Variants in MICU1 observed in about 807,000 individuals in gnomAD.
The protein encoded by MICU1 is mitochondrial calcium uptake 1, also known as calcium uptake protein 1, mitochondrial.
MICU1 carries 45 observed loss-of-function variants against 56.8 expected under a neutral mutation model. That is an observed-to-expected ratio of 0.79 (90% confidence interval 0.62 to 1.02). The LOEUF (loss-of-function observed/expected upper bound fraction) is 1.02, where lower values mean the gene tolerates loss of function less well. Ranked by LOEUF, MICU1 falls within the 50% of genes least tolerant of loss-of-function variation. The pLI, the probability that MICU1 is intolerant of heterozygous loss-of-function variation, is 0.00. For synonymous variants in MICU1, 186 were observed against 195.1 expected (o/e 0.95, Z 0.39); for missense variants, 504 against 587.1 (o/e 0.86, Z 1.46).
intron 6 of MICU1, among the ~76,000 whole-genome samples, chr10:72,479,698 C>A (rs932033523): frequency 1.3e-5 from 2 of 152,080 alleles, no homozygotes; most frequent in Non-Finnish European, 2.9e-5. Flanking sequence ...GATAATTTTT[C>A]TATGTTTTGT....
rs1199987987 is a variant in MICU1, at chr10:72,512,100, G to GTTTTTTTTTTTTTTTTTTTTTTTTTT, written c.538-3832_538-3831insAAAAAAAAAAAAAAAAAAAAAAAAAA. 1.6e-4 allele frequency among the ~76,000 whole-genome samples: 13 copies of GTTTTTTTTTTTTTTTTTTTTTTTTTT among 82,336 alleles called. 4 individuals carry two copies. The highest frequency in any genetic ancestry group is 5.8e-4 in the African/African-American group (10 of 17,242). The allele number at this position is 82,336 out of a possible 152,430, so 54.0% of individuals were successfully genotyped here. On this transcript the variant is annotated intron_variant, in intron 5 of 11. Transcript: ENST00000361114. ...ATCAATCTGGCATCCATACACAGTT[G>GTTTTTTTTTTTTTTTTTTTTTTTTTT]TTTTTTGTTTTTTTTTTTTTTTTTT... is the stretch of plus-strand genomic sequence containing the variant.
At chr10:72,449,527 T>C (rs1865230441) in intron 8 of MICU1, among the ~76,000 whole-genome samples, 1 of 152,224 alleles carries the variant, frequency 6.6e-6, no homozygotes, top group South Asian at 2.1e-4. Context: ...CATGAGCCAC[T>C]GCACCTGGTA....
chr10:72,609,472 C>A (rs1218419679), intron 1 of MICU1, among the ~76,000 whole-genome samples: 1 of 152,152 alleles, frequency 6.6e-6, no homozygotes, highest in East Asian at 1.9e-4. Flanking sequence ...CGGAGACTCA[C>A]GCCTGCAATC....
intron 5 of MICU1, among the ~76,000 whole-genome samples, chr10:72,517,587 A>AT (rs1423397868): frequency 1.4e-4 from 21 of 152,152 alleles, no homozygotes; most frequent in Non-Finnish European, 2.6e-4. Flanking sequence ...ATGCAAACGC[A>AT]TAAGAATGAT....
chr10:72,490,506 G>C (rs922574320), intron 6 of MICU1, among the ~76,000 whole-genome samples: 1 of 152,126 alleles, frequency 6.6e-6, no homozygotes, highest in African/African-American at 2.4e-5. Context: ...GAGCTTTGGA[G>C]GGTCCCTTTT....
At chr10:72,414,104 C>G (rs1304082856) in intron 9 of MICU1, among the ~76,000 whole-genome samples, 1 of 152,190 alleles carries the variant, frequency 6.6e-6, no homozygotes, top group Non-Finnish European at 1.5e-5. Flanking sequence ...CCATACAACC[C>G]AGGTATTTCA....
chr10:72,452,494 G>A (rs1221795534), intron 8 of MICU1, among the ~76,000 whole-genome samples: 1 of 152,146 alleles, frequency 6.6e-6, no homozygotes, highest in African/African-American at 2.4e-5. Flanking sequence ...AGAGAGGCAG[G>A]TATTTCAAAT....
In MICU1 at chr10:72,452,720, G is replaced by A. The variant is rs75658773; in HGVS notation, c.933+22380C>T. 1.8e-4 allele frequency among the ~76,000 whole-genome samples: 27 copies of A among 152,264 alleles called. No individual in the cohort carries two copies. The East Asian group carries it at 5.2e-3, about 29-fold the overall frequency. ...TGTTTGCACACTGAAATCGCCTAAT[G>A]ATGCATTTCTCAGAATGTATCCCCA... On this transcript the variant is annotated intron_variant, in intron 8 of 11. Coordinates refer to ENST00000361114, the MANE Select transcript of MICU1 (RefSeq NM_001195518.2).
intron 8 of MICU1, among the ~76,000 whole-genome samples, chr10:72,433,221 T>C (rs1400547170): frequency 3.3e-5 from 5 of 152,134 alleles, no homozygotes; most frequent in Non-Finnish European, 7.3e-5. Flanking sequence ...ATTACAGGCG[T>C]GAGCCACTGG....
chr10:72,480,317 T>C (rs963172871), intron 6 of MICU1, among the ~76,000 whole-genome samples: 3 of 152,176 alleles, frequency 2.0e-5, no homozygotes, highest in Non-Finnish European at 4.4e-5. Context: ...AGATGTAAAA[T>C]GTTTGAGAAA....
chr10:72,428,000 G>A (rs1864405361), intron 8 of MICU1, among the ~76,000 whole-genome samples: 1 of 152,054 alleles, frequency 6.6e-6, no homozygotes. Flanking sequence ...CGGTGAGCAT[G>A]ACATACACAT....
At chr10:72,539,859 T>C (rs1839726269) in intron 4 of MICU1, among the ~76,000 whole-genome samples, 1 of 152,196 alleles carries the variant, frequency 6.6e-6, no homozygotes, top group Non-Finnish European at 1.5e-5. Context: ...TCATATATTC[T>C]TGGAGAGAAG....
At chr10:72,624,429 C>T (rs1357547841) in intron 1 of MICU1, among the ~76,000 whole-genome samples, 3 of 152,144 alleles carry the variant, frequency 2.0e-5, no homozygotes, top group African/African-American at 7.2e-5. Flanking sequence ...GGGATCCACC[C>T]GGCCTCCCAA....
At chr10:72,597,703 C>G (rs1434877319) in intron 1 of MICU1, among the ~76,000 whole-genome samples, 1 of 152,036 alleles carries the variant, frequency 6.6e-6, no homozygotes, top group Non-Finnish European at 1.5e-5. Context: ...ATACATATAG[C>G]CTGAAGGTTA....
At chr10:72,485,917 C>CA (rs1866459569) in intron 6 of MICU1, among the ~76,000 whole-genome samples, 1 of 150,664 alleles carries the variant, frequency 6.6e-6, no homozygotes, top group African/African-American at 2.5e-5. Context: ...ACACACACAC[C>CA]CCCTATGTGT....
intron 5 of MICU1, among the ~76,000 whole-genome samples, chr10:72,530,372 A>AATAATAATAATAATGATG (rs538954555): frequency 9.0e-5 from 13 of 143,976 alleles, no homozygotes; most frequent in African/African-American, 1.3e-4. Flanking sequence ...TAATAATAAT[A>AATAATAATAATAATGATG]ATGCCAGAAT....
At chr10:72,585,999 TTC>T (rs1389290930) in intron 1 of MICU1, among the ~76,000 whole-genome samples, 5 of 136,934 alleles carry the variant, frequency 3.7e-5, no homozygotes, top group Non-Finnish European at 7.8e-5. Context: ...TTTTTATTTT[TTC>T]TTTTTTTTTT....
chr10:72,498,733 T>C (rs1331205109), intron 6 of MICU1, among the ~76,000 whole-genome samples: 1 of 152,158 alleles, frequency 6.6e-6, no homozygotes, highest in Non-Finnish European at 1.5e-5. Flanking sequence ...GATCCTCAGA[T>C]ACCACAAGGA....
chr10:72,623,884 A>G (rs1037495197), intron 1 of MICU1, among the ~76,000 whole-genome samples: 1 of 115,804 alleles, frequency 8.6e-6, no homozygotes, highest in African/African-American at 3.2e-5. Context: ...GCTGAACCCC[A>G]TCTCCATTTA....
Sources: allele counts gnomAD v4.1 joint callset (sites outside exome capture counted in the v4.1 genomes callset), GRCh38; gene constraint gnomAD v4.1.1; transcripts MANE v1.5; gene names NCBI Gene and HGNC (gene_info 2026-07-23, HGNC 2026-07-21).